Variants in CNTNAP2 observed in about 807,000 individuals in gnomAD.
CNTNAP2 encodes the protein contactin-associated protein-like 2.
A neutral mutation model predicts 155.2 loss-of-function variants in CNTNAP2; 98 were observed. The ratio of observed to expected loss-of-function variants is 0.63; its 90% CI spans 0.54 to 0.75. The LOEUF (loss-of-function observed/expected upper bound fraction) is 0.75. Among genes scored for constraint, CNTNAP2 ranks in the 30% least tolerant of loss-of-function variants. The pLI is 0.00. For missense variants in CNTNAP2, 1,727 were observed against 1,688.1 expected (o/e 1.02, Z -0.40); for synonymous variants, 651 against 631.2 (o/e 1.03, Z -0.47).
At chr7:147,896,055 C>T (rs907217201) in intron 13 of CNTNAP2, among the ~76,000 whole-genome samples, 2 of 152,152 alleles carry the variant, frequency 1.3e-5, no homozygotes, top group African/African-American at 4.8e-5. Flanking sequence ...TGGGGGCATT[C>T]GTTATATGAA....
At chr7:147,465,103 G>A (rs1798096068) in intron 10 of CNTNAP2, among the ~76,000 whole-genome samples, 1 of 152,154 alleles carries the variant, frequency 6.6e-6, no homozygotes, top group Non-Finnish European at 1.5e-5. Context: ...TAAACAGTGG[G>A]TATACGTGGA....
intron 3 of CNTNAP2, among the ~76,000 whole-genome samples, chr7:146,880,125 G>C (rs752291994): frequency 6.6e-6 from 1 of 151,862 alleles, no homozygotes; most frequent in African/African-American, 2.4e-5. Flanking sequence ...ATGAGATTTG[G>C]GTGGGGACAC....
chr7:146,435,981 T>C (rs1198950454), intron 1 of CNTNAP2, among the ~76,000 whole-genome samples: 1 of 152,186 alleles, frequency 6.6e-6, no homozygotes, highest in Admixed American at 6.5e-5. Flanking sequence ...ACTTGTATAT[T>C]TACCAGTATA....
At chr7:146,728,225 G>GAAT (rs1229415031) in intron 1 of CNTNAP2, among the ~76,000 whole-genome samples, 2 of 151,894 alleles carry the variant, frequency 1.3e-5, no homozygotes, top group African/African-American at 4.8e-5. Context: ...AAAATGCATA[G>GAAT]AATAATAATA....
At chr7:146,762,563 C>T (rs541251467) in intron 1 of CNTNAP2, among the ~76,000 whole-genome samples, 7 of 152,248 alleles carry the variant, frequency 4.6e-5, no homozygotes, top group African/African-American at 1.7e-4. Context: ...CGTGCCAGTA[C>T]ACTCCAGCCT....
At chr7:148,036,019 G>A (rs1194126556) in intron 15 of CNTNAP2, among the ~76,000 whole-genome samples, 1 of 152,206 alleles carries the variant, frequency 6.6e-6, no homozygotes, top group Non-Finnish European at 1.5e-5. Flanking sequence ...TTTCAAAATG[G>A]GCATGTCTAT....
At chr7:146,185,704 T>A (rs772102925) in intron 1 of CNTNAP2, among the ~76,000 whole-genome samples, 54 of 151,980 alleles carry the variant, frequency 3.6e-4, no homozygotes, top group Non-Finnish European at 1.9e-4. Context: ...TTCATTTCAG[T>A]TCAAAAATTA....
At chr7:146,147,780 A>G (rs1365099161) in intron 1 of CNTNAP2, among the ~76,000 whole-genome samples, 3 of 152,156 alleles carry the variant, frequency 2.0e-5, no homozygotes, top group Non-Finnish European at 4.4e-5. Context: ...CATTACAAAT[A>G]TTCTAAGGTC....
intron 14 of CNTNAP2, among the ~76,000 whole-genome samples, chr7:147,974,734 C>T (rs1801397326): frequency 6.6e-6 from 1 of 152,114 alleles, no homozygotes; most frequent in African/African-American, 2.4e-5. Context: ...TAAATTGGTA[C>T]ATGCTTTTGG....
intron 13 of CNTNAP2, among the ~76,000 whole-genome samples, chr7:147,740,461 A>G (rs191734559): frequency 5.5e-4 from 84 of 152,342 alleles, no homozygotes; most frequent in African/African-American, 1.9e-3. Context: ...GCTTGGTGCG[A>G]GAAATTACCT....
At chr7:147,129,163 A>T (rs2129284497) in intron 7 of CNTNAP2, among the ~76,000 whole-genome samples, 1 of 152,298 alleles carries the variant, frequency 6.6e-6, no homozygotes, top group East Asian at 1.9e-4. Context: ...GTGTTTTCAA[A>T]TATCTCATCA....
intron 10 of CNTNAP2, among the ~76,000 whole-genome samples, chr7:147,439,463 T>G (rs1214847840): frequency 1.3e-5 from 2 of 151,998 alleles, no homozygotes; most frequent in South Asian, 2.1e-4. Flanking sequence ...ATTATTTCAA[T>G]TTTTTTAATG....
intron 15 of CNTNAP2, among the ~76,000 whole-genome samples, chr7:148,075,678 T>A (rs1803471278): frequency 6.6e-6 from 1 of 152,208 alleles, no homozygotes; most frequent in African/African-American, 2.4e-5. Context: ...TGAAAAGGAA[T>A]CTGGATTTTT....
intron 4 of CNTNAP2, among the ~76,000 whole-genome samples, chr7:147,044,669 G>A (rs1401862485): frequency 6.6e-6 from 1 of 152,086 alleles, no homozygotes; most frequent in Non-Finnish European, 1.5e-5. Context: ...TATATCTAAG[G>A]ATTCCAACAT....
chr7:147,382,733 G>A (rs1796556093), intron 9 of CNTNAP2, among the ~76,000 whole-genome samples: 1 of 152,082 alleles, frequency 6.6e-6, no homozygotes, highest in East Asian at 1.9e-4. Context: ...AGTAGCCTAG[G>A]ACAAGCTTTA....
At chr7:146,404,141 A>AAAAAAAAAAAAAAAAAAAAAAC (rs1367526173) in intron 1 of CNTNAP2, among the ~76,000 whole-genome samples, 1 of 147,428 alleles carries the variant, frequency 6.8e-6, no homozygotes, top group African/African-American at 2.6e-5. Flanking sequence ...AAAAAAAAAA[A>AAAAAAAAAAAAAAAAAAAAAAC]ACAAAGAACT....
intron 12 of CNTNAP2, among the ~76,000 whole-genome samples, chr7:147,609,400 G>A (rs530271911): frequency 1.1e-4 from 17 of 152,176 alleles, no homozygotes; most frequent in Middle Eastern, 3.4e-3. Context: ...GCATGGTGGC[G>A]GGTGCCTGTA....
intron 3 of CNTNAP2, among the ~76,000 whole-genome samples, chr7:146,927,250 C>T (rs1415055034): frequency 2.0e-5 from 3 of 152,130 alleles, no homozygotes; most frequent in African/African-American, 7.2e-5. Context: ...AAAGCTTTCA[C>T]ATTTCTTAAA....
intron 13 of CNTNAP2, among the ~76,000 whole-genome samples, chr7:147,884,490 G>A (rs1384641803): frequency 1.0e-4 from 11 of 108,662 alleles, no homozygotes; most frequent in African/African-American, 4.7e-4. Flanking sequence ...CATTTGCCTC[G>A]CCAGAAAAAA....
Sources: allele counts gnomAD v4.1 joint callset (sites outside exome capture counted in the v4.1 genomes callset), GRCh38; gene constraint gnomAD v4.1.1; transcripts MANE v1.5; gene names NCBI Gene and HGNC (gene_info 2026-07-23, HGNC 2026-07-21).